The following TRIT1 variants were observed in gnomAD, a reference collection of about 807,000 sequenced individuals.
TRIT1 encodes tRNA dimethylallyltransferase.
A neutral mutation model predicts 51.2 loss-of-function variants in TRIT1; 43 were observed. The ratio of observed to expected loss-of-function variants is 0.84; its 90% CI spans 0.66 to 1.08. The LOEUF is 1.08. Ranked by LOEUF, TRIT1 falls within the 50% of genes least tolerant of loss-of-function variation. The pLI is 0.00. For missense variants in TRIT1, 528 were observed against 578.4 expected (o/e 0.91, Z 0.89); for synonymous variants, 184 against 203.9 (o/e 0.90, Z 0.83).
At chr1:39,851,077 TG>T (rs1276071350) in intron 4 of TRIT1, among the ~76,000 whole-genome samples, 1 of 152,226 alleles carries the variant, frequency 6.6e-6, no homozygotes, top group African/African-American at 2.4e-5. Flanking sequence ...TTTCTCTTCC[TG>T]ACCCAATTCT....
chr1:39,873,583 A>G (rs1643947882), intron 1 of TRIT1, among the ~76,000 whole-genome samples: 1 of 152,244 alleles, frequency 6.6e-6, no homozygotes, highest in Non-Finnish European at 1.5e-5. Flanking sequence ...ATCCAAGACT[A>G]TAATTTAGTT....
chr1:39,865,940 AAAAG>A (rs1185343844), intron 1 of TRIT1, among the ~76,000 whole-genome samples: 5 of 151,300 alleles, frequency 3.3e-5, no homozygotes, highest in Admixed American at 6.6e-5. Flanking sequence ...AATGAAAGGA[AAAAG>A]AAAGAAAAGA....
intron 1 of TRIT1, among the ~76,000 whole-genome samples, chr1:39,873,207 G>C (rs916520345): frequency 2.6e-5 from 4 of 152,150 alleles, no homozygotes; most frequent in South Asian, 2.1e-4. Flanking sequence ...TTTTTCAGTG[G>C]AGAAACGTGT....
chr1:39,862,919 CA>C (rs1643332035), intron 1 of TRIT1: 1 of 985,394 alleles, frequency 1.0e-6, no homozygotes. Context: ...CCCCTTCTCC[CA>C]AAGGATACTT....
At chr1:39,864,075 G>A (rs1327618237) in intron 1 of TRIT1, among the ~76,000 whole-genome samples, 3 of 151,916 alleles carry the variant, frequency 2.0e-5, no homozygotes, top group Non-Finnish European at 2.9e-5. Flanking sequence ...TAGTAGAGAC[G>A]GGGTTTTGCT....
chr1:39,866,500 G>C lies in TRIT1; in HGVS notation c.175-9083C>G, dbSNP rs547816858. On this transcript the variant is annotated intron_variant, in intron 1 of 10. Transcript: ENST00000316891. ...AGAGATGTTGAAGAGTACGGGAAAG[G>C]CTGATTTCTTGACTCACTTTACTTT... Among the ~76,000 whole-genome samples, 3 of 152,280 alleles carry C rather than the reference G, an allele frequency of 2.0e-5. No homozygotes were observed. The East Asian group carries it at 5.8e-4, about 29-fold the overall frequency.
intron 1 of TRIT1, among the ~76,000 whole-genome samples, chr1:39,871,354 G>C (rs1331518280): frequency 6.6e-6 from 1 of 152,218 alleles, no homozygotes; most frequent in Non-Finnish European, 1.5e-5. Flanking sequence ...GCCTGAGGCA[G>C]GTGGATTGCT....
chr1:39,870,084 G>A (rs1012960239), intron 1 of TRIT1, among the ~76,000 whole-genome samples: 3 of 152,226 alleles, frequency 2.0e-5, no homozygotes, highest in African/African-American at 2.4e-5. Context: ...GAAAGTGTGG[G>A]GAAAGGAAAG....
At position 39,841,637 on chromosome 1, in the gene TRIT1, G is replaced by A. The variant is rs1198602964; in HGVS notation, c.*107C>T. 3 of 1,183,504 alleles carry A rather than the reference G, an allele frequency of 2.5e-6. No individual in the cohort carries two copies. The South Asian group carries it at 5.5e-5, about 22-fold the overall frequency. 73.3% of individuals were successfully genotyped at this position (1,183,504 alleles called of 1,614,324 possible). The stretch of plus-strand genomic sequence containing the variant: ...AAAATGGTGGGAGCTTTTCTGCTAT[G>A]CAGAGAATTCCGCATAGCACTCCTT... On this transcript the variant is annotated 3_prime_UTR_variant, in exon 11 of 11. Transcript: ENST00000316891.
At chr1:39,870,513 T>TAAAAAAAAAAAAAA (rs60334518) in intron 1 of TRIT1, among the ~76,000 whole-genome samples, 42 of 78,758 alleles carry the variant, frequency 5.3e-4, no homozygotes, top group East Asian at 1.4e-3. Context: ...CAATAAATAC[T>TAAAAAAAAAAAAAA]AAAAAAAAAA....
At chr1:39,878,232 C>T (rs1237111143) in intron 1 of TRIT1, among the ~76,000 whole-genome samples, 1 of 152,170 alleles carries the variant, frequency 6.6e-6, no homozygotes, top group Non-Finnish European at 1.5e-5. Flanking sequence ...CCTTCAGATG[C>T]TAGATGGCTA....
chr1:39,871,347 T>C (rs926861362), intron 1 of TRIT1, among the ~76,000 whole-genome samples: 22 of 152,308 alleles, frequency 1.4e-4, no homozygotes, highest in African/African-American at 4.3e-4. Flanking sequence ...AATCGGAGCC[T>C]GAGGCAGGTG....
chr1:39,860,562 T>A (rs1239127858), intron 1 of TRIT1, among the ~76,000 whole-genome samples: 1 of 152,200 alleles, frequency 6.6e-6, no homozygotes, highest in Non-Finnish European at 1.5e-5. Flanking sequence ...GCATTTTGCA[T>A]AATGGATACT....
At chr1:39,843,563 T>G (rs978759620) in intron 10 of TRIT1, among the ~76,000 whole-genome samples, 1 of 152,184 alleles carries the variant, frequency 6.6e-6, no homozygotes. Context: ...TCACACAGTT[T>G]CTCTTAACTT....
At chr1:39,857,151 G>T in intron 2 of TRIT1, 126 bp downstream of exon 2, 2 of 1,043,546 alleles carry the variant, frequency 1.9e-6, no homozygotes, top group Non-Finnish European at 2.7e-6. Flanking sequence ...GATGGGGATG[G>T]CATCCATCAG....
Position 39,847,663 on chromosome 1 carries a change from G to A in TRIT1, c.816-3C>T, listed in dbSNP as rs1642312909. ...AGATACCATGTTGATAGTCCTGGCT[G>A]GGAACAGGAGGGTATCAGCAGATAA... On this transcript the variant is annotated splice_polypyrimidine_tract_variant and splice_region_variant and intron_variant, in intron 6 of 10. Transcript: ENST00000316891. The A allele has an allele frequency of 1.2e-6, 2 of 1,614,070 alleles. No individual in the cohort carries two copies. Among genetic ancestry groups the A allele is most frequent in the South Asian group, 2.2e-5 (2 of 91,086 alleles).
chr1:39,849,973 A>AATAATG, intron 5 of TRIT1, 146 bp downstream of exon 5: 1 of 859,106 alleles, frequency 1.2e-6, no homozygotes, highest in Non-Finnish European at 1.7e-6. Context: ...TAAGCCAACA[A>AATAATG]ATAATGATAA....
At chr1:39,866,173 C>G (rs1312810902) in intron 1 of TRIT1, among the ~76,000 whole-genome samples, 1 of 152,034 alleles carries the variant, frequency 6.6e-6, no homozygotes, top group Non-Finnish European at 1.5e-5. Flanking sequence ...TCACATCTAA[C>G]ATCTCTTCTA....
At chr1:39,863,944 T>G (rs1182630425) in intron 1 of TRIT1, among the ~76,000 whole-genome samples, 1 of 152,004 alleles carries the variant, frequency 6.6e-6, no homozygotes, top group African/African-American at 2.4e-5. Flanking sequence ...CAGGCTGGGG[T>G]GCAGTGGTGT....
Sources: allele counts gnomAD v4.1 joint callset (sites outside exome capture counted in the v4.1 genomes callset), GRCh38; gene constraint gnomAD v4.1.1; transcripts MANE v1.5; gene names NCBI Gene and HGNC (gene_info 2026-07-23, HGNC 2026-07-21).